ATF1: variants seen among roughly 807,000 people sequenced by gnomAD.
The protein encoded by ATF1 is cyclic AMP-dependent transcription factor ATF-1.
Under a neutral mutation model 34.7 loss-of-function variants are expected in ATF1, and 16 were observed. That is an observed-to-expected ratio of 0.46 (90% CI 0.31 to 0.70). The LOEUF (loss-of-function observed/expected upper bound fraction) is 0.70, where lower values mean the gene tolerates loss of function less well. Among genes scored for constraint, ATF1 ranks in the 30% least tolerant of loss-of-function variants. The pLI, the probability that ATF1 is intolerant of heterozygous loss-of-function variation, is 0.05. For missense variants in ATF1, 255 were observed against 321.6 expected (o/e 0.79, Z 1.58); for synonymous variants, 105 against 113.1 (o/e 0.93, Z 0.46).
chr12:50,804,402 G>A (rs1258183355), intron 3 of ATF1, among the ~76,000 whole-genome samples: 1 of 152,138 alleles, frequency 6.6e-6, no homozygotes, highest in Non-Finnish European at 1.5e-5. Flanking sequence ...AAAACTAGTA[G>A]GGCAGAGCCC....
intron 3 of ATF1, among the ~76,000 whole-genome samples, chr12:50,797,253 A>G (rs1941426407): frequency 6.6e-6 from 1 of 152,254 alleles, no homozygotes; most frequent in African/African-American, 2.4e-5. Flanking sequence ...ATTTCTCAGC[A>G]TAAGAAAGCA....
intron 2 of ATF1, 112 bp downstream of exon 2, chr12:50,780,350 G>GTTT: frequency 2.2e-6 from 2 of 916,670 alleles, no homozygotes; most frequent in Non-Finnish European, 1.6e-6. Context: ...TGTTTTTTGG[G>GTTT]TTTTTTTTTT....
In ATF1 at chr12:50,809,491, G is replaced by A. The variant is rs777739943; in HGVS notation, c.230G>A (p.Arg77Gln). The A allele has an allele frequency of 9.9e-6, 16 of 1,613,166 alleles. No homozygotes were observed. The highest frequency in any genetic ancestry group is 6.7e-5 in the East Asian group (3 of 44,862). The part of the protein sequence containing the change: ...ILKDLSSEDT[R>Q]GRKGDGENSG... The stretch of plus-strand genomic sequence containing the variant: ...AAAGACTTATCTTCTGAAGATACAC[G>A]GGGCAGAAAAGGAGACGGAGAAAAT... Residue 77 changes from arginine (R) to glutamine (Q), a missense_variant, in exon 4 of 7, where the codon CGG (arginine) becomes CAG (glutamine). Physicochemically the swap from Arg to Gln is conservative, Grantham distance 43. Transcript: ENST00000262053.
chr12:50,764,359 G>A (rs1344886269), intron 1 of ATF1, 52 bp downstream of exon 1: 1 of 151,670 alleles, frequency 6.6e-6, no homozygotes, highest in Admixed American at 6.6e-5. Context: ...GGGGAAGGAC[G>A]CGGGAACGTG....
intron 3 of ATF1, among the ~76,000 whole-genome samples, chr12:50,801,358 G>A (rs1252282568): frequency 2.0e-5 from 3 of 152,100 alleles, no homozygotes. Flanking sequence ...CAAATATACA[G>A]TTGCTTAAAA....
At chr12:50,810,187 T>C (rs1941705737) in intron 4 of ATF1, among the ~76,000 whole-genome samples, 1 of 151,564 alleles carries the variant, frequency 6.6e-6, no homozygotes, top group Non-Finnish European at 1.5e-5. Context: ...CTGTATATTA[T>C]ATTAGTATAA....
At position 50,819,346 on chromosome 12, in the gene ATF1, A is replaced by G. The variant is rs949344307; in HGVS notation, c.672-289A>G. 2.0e-5 allele frequency among the ~76,000 whole-genome samples: 3 copies of G among 152,206 alleles called. No individual in the cohort carries two copies. In the South Asian group the frequency reaches 6.2e-4, roughly 31 times the overall value. ...ATAGGAAAAAAACTAATCTCTGGTG[A>G]TAAAAATCAAAACGATAGTTGCTTG... On this transcript the variant is annotated intron_variant, in intron 6 of 6. Transcript: ENST00000262053.
chr12:50,817,901 T>TGACA (rs907477967), intron 6 of ATF1, among the ~76,000 whole-genome samples: 2 of 152,152 alleles, frequency 1.3e-5, no homozygotes, highest in African/African-American at 4.8e-5. Flanking sequence ...GCCGCTAGAC[T>TGACA]GACAACCATT....
intron 1 of ATF1, among the ~76,000 whole-genome samples, chr12:50,771,922 G>A (rs959679773): frequency 6.6e-6 from 1 of 151,884 alleles, no homozygotes; most frequent in Non-Finnish European, 1.5e-5. Flanking sequence ...GGTTTAAAAA[G>A]GGGAGGCATG....
At chr12:50,791,894 TTCAG>T (rs1172069653) in intron 2 of ATF1, among the ~76,000 whole-genome samples, 1 of 152,192 alleles carries the variant, frequency 6.6e-6, no homozygotes, top group Non-Finnish European at 1.5e-5. Flanking sequence ...AATTTCATGA[TTCAG>T]TCATTTACTT....
At chr12:50,786,523 A>C (rs192404431) in intron 2 of ATF1, among the ~76,000 whole-genome samples, 5 of 152,312 alleles carry the variant, frequency 3.3e-5, no homozygotes, top group Admixed American at 3.3e-4. Flanking sequence ...GGCTGGGGAC[A>C]CAAGGGAGAC....
chr12:50,816,528 G>A (rs751362737), intron 6 of ATF1, among the ~76,000 whole-genome samples: 18 of 152,006 alleles, frequency 1.2e-4, no homozygotes, highest in Non-Finnish European at 2.4e-4. Context: ...TGACTTGATC[G>A]CTACACATTA....
chr12:50,812,363 A>G (rs2139693309), intron 4 of ATF1, among the ~76,000 whole-genome samples: 1 of 152,312 alleles, frequency 6.6e-6, no homozygotes, highest in Non-Finnish European at 1.5e-5. Context: ...ATGTGCACCA[A>G]AAACAATAAT....
rs528272251 is a variant in ATF1, at chr12:50,771,597, G to A, written c.-7+7290G>A. Among the ~76,000 whole-genome samples, 46 of 152,102 alleles carry A rather than the reference G, an allele frequency of 3.0e-4. 1 individual carries two copies. The highest frequency in any genetic ancestry group is 1.5e-3 in the South Asian group (7 of 4,806). ...CTTAGGATTAAGGGTTCTCTTAGACGGGGGGAAATGTCAGAGGCGTATGAA... is the reference window on the plus strand; with the variant it reads ...CTTAGGATTAAGGGTTCTCTTAGACAGGGGGAAATGTCAGAGGCGTATGAA... On this transcript the variant is annotated intron_variant, in intron 1 of 6. Coordinates refer to ENST00000262053, the MANE Select transcript of ATF1 (RefSeq NM_005171.5).
intron 1 of ATF1, among the ~76,000 whole-genome samples, chr12:50,764,917 G>A (rs1391077022): frequency 3.3e-5 from 5 of 152,196 alleles, no homozygotes; most frequent in East Asian, 1.9e-4. Flanking sequence ...CTTTACCCCT[G>A]GCTAGGAATG....
At position 50,811,630 on chromosome 12, in the gene ATF1, G is replaced by GAA. The variant is rs11464441; in HGVS notation, c.328+2059_328+2060dup. On this transcript the variant is annotated intron_variant, in intron 4 of 6. Transcript: ENST00000262053. Reference sequence around the variant, plus strand: ...GACTGTGTCTTCACAGAAAAATGAAGAAAAAAAAAAAAAAAAAAAGCCGGG... The same window carrying GAA: ...GACTGTGTCTTCACAGAAAAATGAAGAAAAAAAAAAAAAAAAAAAAAGCCGGG... Among the ~76,000 whole-genome samples the GAA allele has an allele frequency of 1.3e-3, 97 of 72,918 alleles. 1 individual carries two copies. The Middle Eastern group carries it at 0.019, about 15-fold the overall frequency. 47.8% of individuals were successfully genotyped at this position (72,918 alleles called of 152,430 possible). A position where few individuals can be genotyped will look rare whatever the true frequency, so the allele number is the denominator to read the frequency against.
intron 3 of ATF1, among the ~76,000 whole-genome samples, chr12:50,802,782 G>T (rs1362208149): frequency 1.6e-5 from 2 of 127,680 alleles, no homozygotes. Context: ...TGAGGCAGAA[G>T]ATTCACTTGA....
chr12:50,764,263 G>A lies in ATF1; in HGVS notation c.-51G>A, dbSNP rs1940566174. The A allele has an allele frequency of 6.6e-6, 1 of 152,062 alleles. No homozygotes were observed. The highest frequency in any genetic ancestry group is 1.5e-5 in the Non-Finnish European group (1 of 67,944). 9.4% of individuals were successfully genotyped at this position (152,062 alleles called of 1,614,324 possible). ...GAATTCGGATCTACCTGGGAGGGGG[G>A]AGTGGAAGTTCCCGCCCCGGAGAGC... On this transcript the variant is annotated 5_prime_UTR_variant, in exon 1 of 7. Transcript: ENST00000262053.
chr12:50,777,936 CTTTTT>C (rs71086478), intron 1 of ATF1, among the ~76,000 whole-genome samples: 13 of 133,384 alleles, frequency 9.7e-5, no homozygotes, highest in Non-Finnish European at 8.1e-5. Flanking sequence ...AATTTACTAT[CTTTTT>C]TTTTTTTTTT....
Sources: gnomAD v4.1 joint callset for allele counts (sites outside exome capture counted in the v4.1 genomes callset) on GRCh38, gnomAD v4.1.1 for gene constraint, MANE v1.5 for transcripts, NCBI Gene and HGNC (gene_info 2026-07-23, HGNC 2026-07-21) for gene names.